Variants in AACS observed in about 807,000 individuals in gnomAD.
The protein encoded by AACS is acetoacetyl-CoA synthetase.
Under a neutral mutation model 83.1 loss-of-function variants are expected in AACS, and 69 were observed. The ratio of observed to expected loss-of-function variants is 0.83; its 90% CI spans 0.68 to 1.01. The LOEUF (loss-of-function observed/expected upper bound fraction) is 1.01, where lower values mean the gene tolerates loss of function less well. AACS is among the 50% of genes least tolerant of loss of function. The pLI, the probability that AACS is intolerant of heterozygous loss-of-function variation, is 0.00. For synonymous variants in AACS, 333 were observed against 343.4 expected (o/e 0.97, Z 0.33); for missense variants, 866 against 882.2 (o/e 0.98, Z 0.23).
intron 4 of AACS, 139 bp from the exon 5 acceptor site, chr12:125,091,287 G>A: frequency 6.6e-6 from 5 of 756,908 alleles, no homozygotes; most frequent in Non-Finnish European, 1.1e-5. Flanking sequence ...TCTGGGCGGG[G>A]GCTGGTGGTC....
chr12:125,077,862 C>T (rs2136045693), intron 3 of AACS, among the ~76,000 whole-genome samples: 1 of 152,216 alleles, frequency 6.6e-6, no homozygotes, highest in East Asian at 1.9e-4. Context: ...GCGAGCACCA[C>T]CATTGCTGGC....
At chr12:125,098,079 A>G (rs1160876884) in intron 5 of AACS, among the ~76,000 whole-genome samples, 1 of 151,702 alleles carries the variant, frequency 6.6e-6, no homozygotes, top group East Asian at 1.9e-4. Context: ...TCCAGTACAC[A>G]CCCTTTAACA....
chr12:125,101,547 G>A (rs73231658), intron 5 of AACS: 19,400 of 152,118 alleles, frequency 0.13, 1,312 homozygotes, highest in African/African-American at 0.16. Context: ...TTGCTGTTGT[G>A]GCCTCTTTGG....
intron 15 of AACS, 46 bp downstream of exon 15, chr12:125,134,118 C>CAG: frequency 1.3e-6 from 2 of 1,595,778 alleles, no homozygotes; most frequent in African/African-American, 1.3e-5. Context: ...CCCCACCTTC[C>CAG]AGAGGCATGG....
chr12:125,136,724 G>A lies in AACS; in HGVS notation c.1741G>A (p.Glu581Lys). ...CCCCCAGTATAACAAGTACAGGGAGGAGAGGGTGATCCTCTTCCTGAAGAT... is the reference window on the plus strand; with the variant it reads ...CCCCCAGTATAACAAGTACAGGGAGAAGAGGGTGATCCTCTTCCTGAAGAT... Reference protein sequence around the residue: ...CVPQYNKYREERVILFLKMAS... With the variant: ...CVPQYNKYREKRVILFLKMAS... Residue 581 changes from glutamate to lysine, a missense_variant, in exon 17 of 18, where the codon GAG becomes AAG. Physicochemically the swap from Glu to Lys is moderately conservative, Grantham distance 56. Transcript: ENST00000316519. 1.2e-6 allele frequency: 2 copies of A among 1,614,166 alleles called. No individual in the cohort carries two copies. Among genetic ancestry groups the A allele is most frequent in the Non-Finnish European group, 1.7e-6 (2 of 1,180,030 alleles).
rs1956552092 is a variant in AACS at position 125,094,107 on chromosome 12, C to T, written c.570+2584C>T. ...GGGCTAAAACTAACAGGGATGAATT[C>T]CTGGAGTTGCTGATGAGGTGGGGCT... On this transcript the variant is annotated intron_variant, in intron 5 of 17. Transcript: ENST00000316519. This position sits in a 1 kb window ranked among gnomAD's most constrained non-coding sequence, Gnocchi z 4.1. Among the ~76,000 whole-genome samples, 1 of 152,194 alleles carries T rather than the reference C, an allele frequency of 6.6e-6. No individual in the cohort carries two copies. The highest frequency in any genetic ancestry group is 1.5e-5 in the Non-Finnish European group (1 of 68,026).
rs1438392110 is a variant in AACS, at chr12:125,065,662, C to T, written c.78C>T (p.Asn26=). Residue 26 remains asparagine (N), a synonymous_variant, in exon 1 of 18, where the codon AAC becomes AAT. Transcript: ENST00000316519. ...TGTGGGAGCCTGACAGTAAGAAGAA[C>T]ACGCAGATGGACCGCTTCCGGGCGG... ...QVMWEPDSKK[N]TQMDRFRAAV... 9.7e-6 allele frequency: 15 copies of T among 1,546,978 alleles called. No homozygotes were observed. Among genetic ancestry groups the T allele is most frequent in the Non-Finnish European group, 1.3e-5 (15 of 1,145,110 alleles).
In AACS at chr12:125,118,752, G is replaced by A. The variant is rs768270485; in HGVS notation, c.1108G>A (p.Val370Ile). The A allele has an allele frequency of 1.3e-5, 21 of 1,614,166 alleles. No individual in the cohort carries two copies. The highest frequency in any genetic ancestry group is 1.4e-5 in the Non-Finnish European group (17 of 1,180,012). Residue 370 changes from valine (V) to isoleucine (I), a missense_variant, in exon 10 of 18, where the codon GTT (valine) becomes ATT (isoleucine). Coordinates refer to ENST00000316519, the MANE Select transcript of AACS (RefSeq NM_023928.5). ...CACGCCCAATGTGCTCTGGGACCTG[G>A]TTGACAGGATAGGGTAGGTACCAAG... is the stretch of plus-strand genomic sequence containing the variant. ...VPTPNVLWDL[V>I]DRIGITVLVT...
In AACS at chr12:125,129,852, C is replaced by T. The variant is rs1957304642; in HGVS notation, c.1549+392C>T. On this transcript the variant is annotated intron_variant, in intron 14 of 17. Transcript: ENST00000316519. The surrounding 1 kb of genome is among the most constrained non-coding windows in gnomAD (Gnocchi z 4.3). ...TGGAAGTGGCGTCTGGCTCGGGTCT[C>T]TTCCTTCGTGTCTCTCACCATCATC... Among the ~76,000 whole-genome samples, 1 of 152,140 alleles carries T rather than the reference C, an allele frequency of 6.6e-6. No homozygotes were observed.
chr12:125,093,810 G>A (rs980407721), intron 5 of AACS, among the ~76,000 whole-genome samples: 9 of 152,212 alleles, frequency 5.9e-5, no homozygotes, highest in African/African-American at 1.7e-4. Context: ...TGCCGGAGAC[G>A]GGGGTGTGTG....
chr12:125,111,104 A>G (rs1190259891), intron 8 of AACS, among the ~76,000 whole-genome samples: 4 of 152,192 alleles, frequency 2.6e-5, no homozygotes, highest in South Asian at 2.1e-4. Context: ...CACTGGCTCA[A>G]CGGAGTTGCC....
At chr12:125,075,186 G>T (rs1020766762) in intron 2 of AACS, among the ~76,000 whole-genome samples, 1 of 148,780 alleles carries the variant, frequency 6.7e-6, no homozygotes, top group Non-Finnish European at 1.5e-5. Flanking sequence ...TGTTGGCCAG[G>T]ATGGTCTCAA....
intron 3 of AACS, among the ~76,000 whole-genome samples, chr12:125,079,099 G>A (rs572893463): frequency 1.3e-5 from 2 of 152,200 alleles, no homozygotes; most frequent in African/African-American, 2.4e-5. Context: ...TCTCCTCCCC[G>A]CACCTCTGCG....
At chr12:125,066,368 G>A (rs1955695161) in intron 1 of AACS, among the ~76,000 whole-genome samples, 1 of 151,620 alleles carries the variant, frequency 6.6e-6, no homozygotes, top group Non-Finnish European at 1.5e-5. Flanking sequence ...AACCGCTCCG[G>A]GTGCTCTTCC....
At chr12:125,136,978 G>A (rs1373697582) in intron 17 of AACS, 114 bp downstream of exon 17, 10 of 1,111,770 alleles carry the variant, frequency 9.0e-6, no homozygotes, top group South Asian at 1.5e-5. Context: ...GTTTGTCCAC[G>A]TTGCCTAGCA....
At chr12:125,085,445 C>T (rs1956314413) in intron 3 of AACS, among the ~76,000 whole-genome samples, 1 of 152,168 alleles carries the variant, frequency 6.6e-6, no homozygotes, top group South Asian at 2.1e-4. Context: ...TGGAACCACG[C>T]ACGTGCACGT....
chr12:125,132,124 A>G lies in AACS; in HGVS notation c.1550-1879A>G, dbSNP rs1005401142. Among the ~76,000 whole-genome samples the G allele has an allele frequency of 2.6e-5, 4 of 152,294 alleles. No homozygotes were observed. In the East Asian group the frequency reaches 7.7e-4, roughly 29 times the overall value. On this transcript the variant is annotated intron_variant, in intron 14 of 17. Coordinates refer to ENST00000316519, the MANE Select transcript of AACS (RefSeq NM_023928.5). ...TCTGTTCAGTCTGCTGTAGAAAGGA[A>G]GACATCGTTTCTGCGGCTTCGTTTT...
rs545799661 is a variant in AACS, at chr12:125,094,600, C to T, written c.570+3077C>T. On this transcript the variant is annotated intron_variant, in intron 5 of 17. Transcript: ENST00000316519. The surrounding 1 kb of genome is among the most constrained non-coding windows in gnomAD (Gnocchi z 4.1). Reference sequence around the variant, plus strand: ...TCTTTACTCGATGACACTGGGGGAACGCGTTTCTGGCCTCCGTCACTCCCC... The same window carrying T: ...TCTTTACTCGATGACACTGGGGGAATGCGTTTCTGGCCTCCGTCACTCCCC... Among the ~76,000 whole-genome samples, 12 of 152,276 alleles carry T rather than the reference C, an allele frequency of 7.9e-5. No homozygotes were observed. The highest frequency in any genetic ancestry group is 2.1e-4 in the South Asian group (1 of 4,830).
At position 125,099,033 on chromosome 12, in the gene AACS, C is replaced by T. The variant is rs536708129; in HGVS notation, c.571-3646C>T. ...TGGACATCTTATCTTTTACCAAGTG[C>T]GAAATGTGCCGTCAGGTGTCTGCCA... On this transcript the variant is annotated intron_variant, in intron 5 of 17. Transcript: ENST00000316519. 1.4e-3 allele frequency among the ~76,000 whole-genome samples: 208 copies of T among 152,230 alleles called. 1 individual carries two copies. The South Asian group carries it at 0.019, about 14-fold the overall frequency.
Sources: allele counts gnomAD v4.1 joint callset (sites outside exome capture counted in the v4.1 genomes callset), GRCh38; gene constraint gnomAD v4.1.1; non-coding constraint Gnocchi (gnomAD v3.1); transcripts MANE v1.5; gene names NCBI Gene and HGNC (gene_info 2026-07-23, HGNC 2026-07-21).